AFDN: variants seen among roughly 807,000 people sequenced by gnomAD.
AFDN encodes afadin, adherens junction formation factor.
In AFDN, 68 loss-of-function variants were observed where a neutral mutation model predicts 216.6. The ratio of observed to expected loss-of-function variants is 0.31; its 90% CI spans 0.26 to 0.38. The LOEUF (loss-of-function observed/expected upper bound fraction) is 0.38. Ranked by LOEUF, AFDN falls within the 10% of genes least tolerant of loss-of-function variation. AFDN has a pLI of 1.00. For synonymous variants in AFDN, 868 were observed against 853.7 expected (o/e 1.02, Z -0.29); for missense variants, 2,136 against 2,342.0 (o/e 0.91, Z 1.82).
chr6:167,899,179 G>T (rs1248047131), intron 11 of AFDN, among the ~76,000 whole-genome samples: 2 of 151,884 alleles, frequency 1.3e-5, no homozygotes, highest in African/African-American at 4.8e-5. Flanking sequence ...TAGCCACCCA[G>T]ACCTTACACA....
chr6:167,851,021 A>G (rs920825222), intron 1 of AFDN, among the ~76,000 whole-genome samples: 4 of 152,054 alleles, frequency 2.6e-5, no homozygotes, highest in Admixed American at 2.6e-4. Flanking sequence ...CCTGCATTCA[A>G]GCGATTCTCC....
intron 23 of AFDN, among the ~76,000 whole-genome samples, chr6:167,938,516 CTATT>C (rs1268445017): frequency 2.0e-5 from 3 of 152,112 alleles, no homozygotes; most frequent in African/African-American, 7.2e-5. Flanking sequence ...AAACTTCAAC[CTATT>C]TAAAGATAGG....
chr6:167,897,434 A>G (rs1788400173), intron 10 of AFDN, among the ~76,000 whole-genome samples: 1 of 152,192 alleles, frequency 6.6e-6, no homozygotes, highest in Non-Finnish European at 1.5e-5. Flanking sequence ...ACTTCTTTGA[A>G]GTTGAATTCA....
intron 1 of AFDN, among the ~76,000 whole-genome samples, chr6:167,853,061 T>C (rs1418468826): frequency 4.6e-5 from 7 of 152,096 alleles, no homozygotes; most frequent in African/African-American, 1.7e-4. Flanking sequence ...GTCTAAGTGC[T>C]AGAGATGTTC....
chr6:167,921,068 G>A (rs1182598466), intron 21 of AFDN, among the ~76,000 whole-genome samples: 1 of 152,246 alleles, frequency 6.6e-6, no homozygotes, highest in Non-Finnish European at 1.5e-5. Flanking sequence ...CACCTCACAT[G>A]GGCCTGCTGT....
chr6:167,884,954 G>A (rs998823937), intron 6 of AFDN, among the ~76,000 whole-genome samples: 10 of 152,136 alleles, frequency 6.6e-5, no homozygotes, highest in African/African-American at 2.2e-4. Context: ...GACCATCAGT[G>A]GTCTTAGCTA....
chr6:167,969,265 A>G (rs1797850469), intron 33 of AFDN, 67 bp downstream of exon 33: 1 of 1,205,722 alleles, frequency 8.3e-7, no homozygotes, highest in Admixed American at 1.7e-5. Flanking sequence ...TCTTCACGAC[A>G]CCTTGAGATT....
intron 31 of AFDN, chr6:167,963,680 T>C (rs959271065): frequency 1.9e-6 from 2 of 1,060,708 alleles, no homozygotes; most frequent in South Asian, 4.6e-5. Flanking sequence ...AAGTTTATCA[T>C]CATATTATCT....
Position 167,947,900 on chromosome 6 carries a change from A to G in AFDN, c.3601A>G (p.Thr1201Ala), listed in dbSNP as rs375205645. The G allele has an allele frequency of 6.8e-6, 11 of 1,613,958 alleles. No individual in the cohort carries two copies. The highest frequency in any genetic ancestry group is 9.3e-6 in the Non-Finnish European group (11 of 1,179,986). The change falls in exon 28 of 34, where the codon ACA (threonine) becomes GCA (alanine). Residue 1201 changes from threonine (T) to alanine (A), a missense_variant. Physicochemically the swap from Thr to Ala is moderately conservative, Grantham distance 58. Around this residue, in one of 8 missense-constraint regions of AFDN, gnomAD observed 981 missense variants for 966.0 expected, o/e 1.02. Transcript: ENST00000683244. ...GGKSAYASGT[T>A]AKITSVSTGN... ...GAAAAGTGCATATGCCTCTGGAACA[A>G]CAGCGAAGATAACATCTGTCTCTAC...
At chr6:167,827,321 C>T (rs1421226695) in intron 1 of AFDN, 84 bp downstream of exon 1, 2 of 383,936 alleles carry the variant, frequency 5.2e-6, no homozygotes, top group Non-Finnish European at 6.7e-6. Context: ...CGCCCGCCAG[C>T]CGCGGACCCG....
rs1789799764 is a variant in AFDN, at chr6:167,907,142, T to TAA, written c.1651-27_1651-26dup. 6 of 1,585,194 alleles carry TAA rather than the reference T, an allele frequency of 3.8e-6. No homozygotes were observed. In the East Asian group the frequency reaches 1.3e-4, roughly 35 times the overall value. On this transcript the variant is annotated intron_variant, in intron 12 of 33. Coordinates refer to ENST00000683244, the MANE Select transcript of AFDN (RefSeq NM_001386888.1). ...AGCTTGGTTGGTCTGTGTGAGGTTC[T>TAA]AAACCCGTTGTGCTTTCTCTCCATG...
intron 13 of AFDN, among the ~76,000 whole-genome samples, chr6:167,910,834 A>G (rs1336941419): frequency 6.6e-6 from 1 of 152,228 alleles, no homozygotes; most frequent in Non-Finnish European, 1.5e-5. Flanking sequence ...TGAAGTGTTC[A>G]TTAATAATCC....
chr6:167,912,187 TTC>T (rs1156293320), intron 15 of AFDN: 3 of 152,216 alleles, frequency 2.0e-5, no homozygotes, highest in African/African-American at 7.2e-5. Context: ...TTTACGTACT[TTC>T]TGTCCCGATC....
chr6:167,905,001 G>A (rs1789480012), intron 12 of AFDN, among the ~76,000 whole-genome samples: 1 of 152,204 alleles, frequency 6.6e-6, no homozygotes, highest in African/African-American at 2.4e-5. Flanking sequence ...CAGGCCACAC[G>A]AGGCTTCCAT....
intron 1 of AFDN, among the ~76,000 whole-genome samples, chr6:167,854,091 C>T (rs1435694730): frequency 2.0e-5 from 3 of 151,944 alleles, no homozygotes; most frequent in Non-Finnish European, 2.9e-5. Flanking sequence ...TTCAGCCCCA[C>T]AAAAAGACTG....
In AFDN at chr6:167,954,391, G is replaced by A. The variant is rs182370382; in HGVS notation, c.4833+2204G>A. The A allele has an allele frequency of 9.8e-5, 135 of 1,383,050 alleles. 2 individuals carry two copies. The East Asian group carries it at 2.9e-3, about 29-fold the overall frequency. The allele number at this position is 1,383,050 out of a possible 1,614,324, so 85.7% of individuals were successfully genotyped here. A position where few individuals can be genotyped will look rare whatever the true frequency, so the allele number is the denominator to read the frequency against. ...AAAATATGCCGATGGCAGATTACAGGTCTAAACCTAACTTTTTTTTCCACA... is the reference window on the plus strand; with the variant it reads ...AAAATATGCCGATGGCAGATTACAGATCTAAACCTAACTTTTTTTTCCACA... On this transcript the variant is annotated intron_variant, in intron 30 of 33. Coordinates refer to ENST00000683244, the MANE Select transcript of AFDN (RefSeq NM_001386888.1).
Position 167,951,145 on chromosome 6 carries a change from A to G in AFDN, c.3832-41A>G, listed in dbSNP as rs764425430. 1 of 1,510,454 alleles carries G rather than the reference A, an allele frequency of 6.6e-7. No homozygotes were observed. The highest frequency in any genetic ancestry group is 8.8e-7 in the Non-Finnish European group (1 of 1,131,026). 93.6% of individuals were successfully genotyped at this position (1,510,454 alleles called of 1,614,324 possible). ...TGTTTGTGGATATTTGGTAATTTCT[A>G]GTAAATGGCTGAAATATAATAATTC... On this transcript the variant is annotated intron_variant, in intron 29 of 33. Coordinates refer to ENST00000683244, the MANE Select transcript of AFDN (RefSeq NM_001386888.1). The surrounding 1 kb of genome is among the most constrained non-coding windows in gnomAD (Gnocchi z 7.1).
intron 18 of AFDN, 141 bp downstream of exon 18, chr6:167,914,879 A>G (rs1175811493): frequency 2.9e-6 from 2 of 678,778 alleles, no homozygotes; most frequent in African/African-American, 3.6e-5. Flanking sequence ...AATAAATTTT[A>G]ACGATTATTT....
rs890300888 is a variant in AFDN, at chr6:167,947,296, T to C, written c.3553+395T>C. 9.2e-5 allele frequency among the ~76,000 whole-genome samples: 14 copies of C among 152,216 alleles called. No homozygotes were observed. In the South Asian group the frequency reaches 2.3e-3, roughly 25 times the overall value. On this transcript the variant is annotated intron_variant, in intron 27 of 33. Coordinates refer to ENST00000683244, the MANE Select transcript of AFDN (RefSeq NM_001386888.1). ...CTGGGTTCATGCCATTCTCCTGCCT[T>C]AGCTTCCCGAGTGGCTGGGACTATG...
Sources: allele counts gnomAD v4.1 joint callset (sites outside exome capture counted in the v4.1 genomes callset), GRCh38; gene constraint gnomAD v4.1.1; regional missense constraint gnomAD v4.1.1; non-coding constraint Gnocchi (gnomAD v3.1); transcripts MANE v1.5; gene names NCBI Gene and HGNC (gene_info 2026-07-23, HGNC 2026-07-21).